The following COG6 variants were observed in gnomAD, a reference collection of about 807,000 sequenced individuals.
COG6 encodes component of oligomeric golgi complex 6.
A neutral mutation model predicts 88.8 loss-of-function variants in COG6; 74 were observed. That is an observed-to-expected ratio of 0.83 (90% CI 0.69 to 1.01). The LOEUF (loss-of-function observed/expected upper bound fraction) is 1.01. Ranked by LOEUF, COG6 falls within the 50% of genes least tolerant of loss-of-function variation. COG6 has a pLI of 0.00. For synonymous variants in COG6, 286 were observed against 278.7 expected, an observed-to-expected ratio of 1.03 and a Z score of -0.26; for missense variants, 800 against 797.9, an observed-to-expected ratio of 1.00 and a Z score of -0.03.
chr13:39,661,727 A>G (rs1246539854), intron 3 of COG6, among the ~76,000 whole-genome samples: 1 of 151,336 alleles, frequency 6.6e-6, no homozygotes, highest in Non-Finnish European at 1.5e-5. Flanking sequence ...ATAATTATAT[A>G]ATATATACTA....
Position 39,751,225 on chromosome 13 carries a change from T to A in COG6, c.*132T>A. 6.6e-7 allele frequency: 1 copy of A among 1,515,726 alleles called. No homozygotes were observed. Among genetic ancestry groups the A allele is most frequent in the South Asian group, 1.3e-5 (1 of 78,570 alleles). The allele number at this position is 1,515,726 out of a possible 1,614,324, so 93.9% of individuals were successfully genotyped here. A position where few individuals can be genotyped will look rare whatever the true frequency, so the allele number is the denominator to read the frequency against. On this transcript the variant is annotated 3_prime_UTR_variant, in exon 19 of 19. Transcript: ENST00000455146. ...TGTATCATAAGATTGTAAGTCCCGA[T>A]AATTTTTTTTTTTTTGGTCTCAGTA... is the stretch of plus-strand genomic sequence containing the variant.
At chr13:39,694,811 G>A (rs1222778685) in intron 12 of COG6, 86 bp downstream of exon 12, 4 of 726,326 alleles carry the variant, frequency 5.5e-6, no homozygotes, top group South Asian at 5.0e-5. Flanking sequence ...TTTTTATATT[G>A]TGTATAGTAA....
Position 39,695,456 on chromosome 13 carries a change from G to T in COG6, c.1166+731G>T, listed in dbSNP as rs540602802. ...CAATGTCTTTCCAAGCCATATTTTTGATAGTTTTTGTATTTTTCCATTAAA... is the reference window on the plus strand; with the variant it reads ...CAATGTCTTTCCAAGCCATATTTTTTATAGTTTTTGTATTTTTCCATTAAA... On this transcript the variant is annotated intron_variant, in intron 12 of 18. Coordinates refer to ENST00000455146, the MANE Select transcript of COG6 (RefSeq NM_020751.3). Among the ~76,000 whole-genome samples the T allele has an allele frequency of 1.4e-4, 22 of 151,786 alleles. No homozygotes were observed. The South Asian group carries it at 4.6e-3, about 32-fold the overall frequency.
intron 18 of COG6, among the ~76,000 whole-genome samples, chr13:39,738,184 G>A (rs181887660): frequency 4.3e-4 from 65 of 152,162 alleles, no homozygotes; most frequent in Admixed American, 1.2e-3. Context: ...TAGATTTGGC[G>A]TTCCTGCTTG....
Position 39,769,561 on chromosome 13 carries a change from A to G in COG6, c.1827-18774A>G, listed in dbSNP as rs577639521. ...TGTGCAAAGCCAGGTAATCTAGTAC[A>G]GAGCTAGATACACAATAGTGTCCAA... On this transcript the variant is annotated intron_variant, in intron 18 of 18. Transcript: ENST00000416691. Among the ~76,000 whole-genome samples, 68 of 152,366 alleles carry G rather than the reference A, an allele frequency of 4.5e-4. 1 individual carries two copies. The highest frequency in any genetic ancestry group is 1.6e-3 in the African/African-American group (68 of 41,584).
intron 13 of COG6, among the ~76,000 whole-genome samples, chr13:39,700,393 C>G (rs1877513198): frequency 6.6e-6 from 1 of 151,808 alleles, no homozygotes; most frequent in African/African-American, 2.4e-5. Context: ...TCTTCACTTT[C>G]CTAAGCCTTA....
At chr13:39,672,098 TCTTA>T (rs1230964627) in intron 4 of COG6, among the ~76,000 whole-genome samples, 4 of 152,018 alleles carry the variant, frequency 2.6e-5, no homozygotes, top group African/African-American at 9.7e-5. Context: ...TATTTGAGAC[TCTTA>T]CTTTATAAGA....
At position 39,708,908 on chromosome 13, in the gene COG6, C is replaced by T. The variant is rs545439897; in HGVS notation, c.1284+9290C>T. 4.0e-5 allele frequency among the ~76,000 whole-genome samples: 6 copies of T among 151,354 alleles called. No individual in the cohort carries two copies. In the South Asian group the frequency reaches 6.3e-4, roughly 16 times the overall value. The stretch of plus-strand genomic sequence containing the variant: ...GTAGTTGCAGGTGGTTTTTGTGCTG[C>T]GATGCAGGTATAGCCTTTCTTAAAT... On this transcript the variant is annotated intron_variant, in intron 13 of 18. Transcript: ENST00000455146.
At chr13:39,657,691 A>T (rs1874610287) in intron 1 of COG6, among the ~76,000 whole-genome samples, 7 of 152,220 alleles carry the variant, frequency 4.6e-5, no homozygotes, top group Admixed American at 4.6e-4. Context: ...CTACTAGAAT[A>T]TACAGTAGTG....
chr13:39,752,378 T>C lies in COG6; in HGVS notation c.*1285T>C. On this transcript the variant is annotated 3_prime_UTR_variant, in exon 19 of 19. Transcript: ENST00000455146. ...TTGTTTATACCTAATACAGTTCTTTTTGGAGTAAGAATGATTATATAATCG... is the reference window on the plus strand; with the variant it reads ...TTGTTTATACCTAATACAGTTCTTTCTGGAGTAAGAATGATTATATAATCG... The C allele has an allele frequency of 1.0e-6, 1 of 965,684 alleles. No individual in the cohort carries two copies. Among genetic ancestry groups the C allele is most frequent in the Non-Finnish European group, 1.4e-6 (1 of 718,828 alleles). The allele number at this position is 965,684 out of a possible 1,614,324, so 59.8% of individuals were successfully genotyped here. A position where few individuals can be genotyped will look rare whatever the true frequency, so the allele number is the denominator to read the frequency against.
intron 18 of COG6, among the ~76,000 whole-genome samples, chr13:39,775,989 G>C (rs536287273): frequency 7.2e-5 from 11 of 152,144 alleles, no homozygotes; most frequent in Non-Finnish European, 1.3e-4. Flanking sequence ...GTCTGGTCTC[G>C]AACTCCCCAC....
chr13:39,665,381 G>A (rs1875186891), intron 4 of COG6, among the ~76,000 whole-genome samples: 1 of 152,194 alleles, frequency 6.6e-6, no homozygotes. Context: ...GAAGAGAGGT[G>A]ATGATGTATC....
chr13:39,742,819 T>C (rs889786534), intron 18 of COG6, among the ~76,000 whole-genome samples: 3 of 152,096 alleles, frequency 2.0e-5, no homozygotes, highest in Admixed American at 6.6e-5. Flanking sequence ...CAGCACCACA[T>C]CGCACTTATT....
At chr13:39,720,154 G>A (rs150535289) in intron 15 of COG6, among the ~76,000 whole-genome samples, 19 of 152,220 alleles carry the variant, frequency 1.2e-4, no homozygotes, top group African/African-American at 4.6e-4. Context: ...TAGTCTGTAT[G>A]TGGATTTTAG....
chr13:39,701,542 G>C, intron 13 of COG6, among the ~76,000 whole-genome samples: 1 of 151,840 alleles, frequency 6.6e-6, no homozygotes, highest in East Asian at 1.9e-4. Context: ...AGAGAGGATG[G>C]CCAGAGAGGC....
intron 4 of COG6, among the ~76,000 whole-genome samples, chr13:39,671,194 A>G (rs1875609975): frequency 6.6e-6 from 1 of 151,956 alleles, no homozygotes; most frequent in South Asian, 2.1e-4. Context: ...TGGCTTATCC[A>G]TTTCTTGTGA....
At chr13:39,699,936 A>G (rs1176755522) in intron 13 of COG6, among the ~76,000 whole-genome samples, 3 of 151,874 alleles carry the variant, frequency 2.0e-5, no homozygotes, top group Admixed American at 2.0e-4. Flanking sequence ...TGACATACAG[A>G]TTGGAAAACC....
intron 15 of COG6, among the ~76,000 whole-genome samples, chr13:39,722,617 CAAAA>C (rs67889057): frequency 7.6e-5 from 8 of 105,814 alleles, no homozygotes; most frequent in African/African-American, 7.6e-5. Context: ...TGTACTGGCA[CAAAA>C]AAAAAAAAAA....
At chr13:39,711,962 C>T (rs1252151510) in intron 13 of COG6, among the ~76,000 whole-genome samples, 1 of 152,124 alleles carries the variant, frequency 6.6e-6, no homozygotes, top group East Asian at 1.9e-4. Flanking sequence ...TGGGTTCAAG[C>T]GATTCTCCAG....
Sources: gnomAD v4.1 joint callset for allele counts (sites outside exome capture counted in the v4.1 genomes callset) on GRCh38, gnomAD v4.1.1 for gene constraint, MANE v1.5 for transcripts, NCBI Gene and HGNC (gene_info 2026-07-23, HGNC 2026-07-21) for gene names.